Variants in CTIF observed in about 807,000 individuals in gnomAD.
CTIF encodes CBP80/20-dependent translation initiation factor.
CTIF carries 21 observed loss-of-function variants against 66.0 expected under a neutral mutation model. The observed-to-expected ratio is 0.32, with a 90% CI of 0.23 to 0.46. CTIF has a LOEUF of 0.46. Ranked by LOEUF, CTIF falls within the 20% of genes least tolerant of loss-of-function variation. CTIF has a pLI of 1.00. For synonymous variants in CTIF, 345 were observed against 326.4 expected, an observed-to-expected ratio of 1.06 and a Z score of -0.62; for missense variants, 739 against 812.7, an observed-to-expected ratio of 0.91 and a Z score of 1.10.
chr18:48,552,871 C>T lies in CTIF; in HGVS notation c.-29+13559C>T, dbSNP rs73956910. Reference sequence around the variant, plus strand: ...AGGTCACTGGTCTTAGATTGGCCACCTGTGATCTGGCTGCTCTCAGGGAAG... The same window carrying T: ...AGGTCACTGGTCTTAGATTGGCCACTTGTGATCTGGCTGCTCTCAGGGAAG... On this transcript the variant is annotated intron_variant, in intron 1 of 11. Coordinates refer to ENST00000256413, the MANE Select transcript of CTIF (RefSeq NM_014772.3). Among the ~76,000 whole-genome samples the T allele has an allele frequency of 7.5e-3, 1,142 of 152,288 alleles. 14 individuals are homozygous for T. The highest frequency in any genetic ancestry group is 0.026 in the African/African-American group (1,090 of 41,552).
intron 1 of CTIF, among the ~76,000 whole-genome samples, chr18:48,586,005 G>A (rs1402554788): frequency 6.6e-6 from 1 of 152,114 alleles, no homozygotes; most frequent in Non-Finnish European, 1.5e-5. Flanking sequence ...TGATGGTGGC[G>A]ATGCTGATTC....
intron 7 of CTIF, among the ~76,000 whole-genome samples, chr18:48,712,335 G>A (rs1330996980): frequency 6.6e-6 from 1 of 152,212 alleles, no homozygotes; most frequent in Non-Finnish European, 1.5e-5. Flanking sequence ...ATAAGAACAT[G>A]CAGCTGAAAT....
At chr18:48,783,163 A>C (rs1479329271) in intron 9 of CTIF, among the ~76,000 whole-genome samples, 1 of 152,158 alleles carries the variant, frequency 6.6e-6, no homozygotes, top group African/African-American at 2.4e-5. Context: ...TGTTAGACAC[A>C]GGGTCCCATG....
chr18:48,685,492 G>A (rs144366600), intron 6 of CTIF, among the ~76,000 whole-genome samples: 81 of 152,156 alleles, frequency 5.3e-4, no homozygotes, highest in African/African-American at 1.8e-3. Flanking sequence ...CAAAGTGCTG[G>A]CATTACAGGC....
chr18:48,857,681 G>C (rs929561973), intron 11 of CTIF, 40 bp downstream of exon 11: 3 of 1,578,750 alleles, frequency 1.9e-6, no homozygotes, highest in Non-Finnish European at 2.6e-6. Flanking sequence ...CTCAAAGCCG[G>C]TGCATCTCTC....
chr18:48,577,843 G>A (rs2089568524), intron 1 of CTIF, among the ~76,000 whole-genome samples: 1 of 152,216 alleles, frequency 6.6e-6, no homozygotes, highest in African/African-American at 2.4e-5. Context: ...CCAGAGTGCT[G>A]GGATTACAGG....
chr18:48,838,391 G>T (rs758300944), intron 10 of CTIF, among the ~76,000 whole-genome samples: 1 of 152,102 alleles, frequency 6.6e-6, no homozygotes, highest in Non-Finnish European at 1.5e-5. Flanking sequence ...CACGCCTCAC[G>T]TGAGCCTCTC....
chr18:48,554,574 C>T (rs540715700), intron 1 of CTIF, among the ~76,000 whole-genome samples: 1 of 152,256 alleles, frequency 6.6e-6, no homozygotes, highest in Non-Finnish European at 1.5e-5. Flanking sequence ...GATGGAGGAG[C>T]ATTATCGTAC....
intron 7 of CTIF, chr18:48,756,156 C>G (rs1908339857): frequency 6.6e-6 from 1 of 152,200 alleles, no homozygotes. Context: ...AGCCAAACAC[C>G]TCTGCAGGAA....
chr18:48,646,767 TAAAAAC>T (rs1001358987), intron 3 of CTIF, among the ~76,000 whole-genome samples: 3 of 146,730 alleles, frequency 2.0e-5, no homozygotes, highest in Admixed American at 6.8e-5. Flanking sequence ...GAAAATAAAA[TAAAAAC>T]AAAAAGGAAA....
intron 1 of CTIF, among the ~76,000 whole-genome samples, chr18:48,576,615 G>A (rs1316273080): frequency 6.6e-6 from 1 of 152,190 alleles, no homozygotes; most frequent in African/African-American, 2.4e-5. Flanking sequence ...GCCAGCCGGG[G>A]CGTAACCGTT....
intron 5 of CTIF, among the ~76,000 whole-genome samples, chr18:48,664,808 C>T (rs977234761): frequency 3.3e-5 from 5 of 152,204 alleles, no homozygotes; most frequent in Non-Finnish European, 7.3e-5. Flanking sequence ...TGTCAGTAAT[C>T]CACGCCAGCG....
chr18:48,647,861 TC>T (rs1292935694), intron 3 of CTIF, among the ~76,000 whole-genome samples: 2 of 152,126 alleles, frequency 1.3e-5, no homozygotes, highest in Non-Finnish European at 2.9e-5. Flanking sequence ...CTTCTGTAGT[TC>T]TGAGTCTGGT....
At chr18:48,656,196 G>A (rs1359035470) in intron 3 of CTIF, among the ~76,000 whole-genome samples, 1 of 152,212 alleles carries the variant, frequency 6.6e-6, no homozygotes, top group Non-Finnish European at 1.5e-5. Context: ...GGAGGGATAC[G>A]TTCCTGCTTT....
chr18:48,586,211 C>T (rs557753512), intron 1 of CTIF, among the ~76,000 whole-genome samples: 8 of 152,042 alleles, frequency 5.3e-5, no homozygotes, highest in Admixed American at 1.3e-4. Context: ...TTTTCACTAC[C>T]GTTAGCGGAC....
At chr18:48,806,145 G>A (rs1018394658) in intron 9 of CTIF, among the ~76,000 whole-genome samples, 3 of 152,310 alleles carry the variant, frequency 2.0e-5, no homozygotes, top group East Asian at 3.9e-4. Flanking sequence ...TGTGGGAGCA[G>A]GAAGGTGAAA....
intron 1 of CTIF, among the ~76,000 whole-genome samples, chr18:48,612,952 T>C (rs1194892692): frequency 6.6e-6 from 1 of 151,966 alleles, no homozygotes; most frequent in Admixed American, 6.6e-5. Flanking sequence ...AGTTGGGTGC[T>C]GGGGGTGGAG....
intron 9 of CTIF, among the ~76,000 whole-genome samples, chr18:48,773,199 C>T (rs1452166462): frequency 6.6e-6 from 1 of 152,176 alleles, no homozygotes; most frequent in Non-Finnish European, 1.5e-5. Context: ...CCAACCCCCT[C>T]GTATTACAGT....
At chr18:48,596,573 G>A (rs1222300523) in intron 1 of CTIF, among the ~76,000 whole-genome samples, 1 of 151,864 alleles carries the variant, frequency 6.6e-6, no homozygotes, top group Non-Finnish European at 1.5e-5. Flanking sequence ...TGCCTCCCGG[G>A]TTCAAACGAT....
Sources: allele counts gnomAD v4.1 joint callset (sites outside exome capture counted in the v4.1 genomes callset), GRCh38; gene constraint gnomAD v4.1.1; transcripts MANE v1.5; gene names NCBI Gene and HGNC (gene_info 2026-07-23, HGNC 2026-07-21).